Variants in DSTYK observed in about 807,000 individuals in gnomAD.
DSTYK encodes the protein dual serine/threonine and tyrosine protein kinase, also known as RIP-homologous kinase.
A neutral mutation model predicts 98.7 loss-of-function variants in DSTYK; 34 were observed. That is an observed-to-expected ratio of 0.34 (90% CI 0.26 to 0.46). DSTYK has a LOEUF of 0.46. DSTYK is among the 20% of genes least tolerant of loss of function. DSTYK has a pLI of 1.00. For synonymous variants in DSTYK, 462 were observed against 457.3 expected (o/e 1.01, Z -0.13); for missense variants, 962 against 1,181.7 (o/e 0.81, Z 2.73).
rs1344695030 is a variant in DSTYK at position 205,184,784 on chromosome 1, T to G, written c.654+2634A>C. On this transcript the variant is annotated intron_variant, in intron 2 of 12. Coordinates refer to ENST00000367162, the MANE Select transcript of DSTYK (RefSeq NM_015375.3). The stretch of plus-strand genomic sequence containing the variant: ...CACAGGTGTGTACACAGGATCTCAC[T>G]AGGTTGCCCAGGCTGGTGTTGAACA... 2.0e-5 allele frequency among the ~76,000 whole-genome samples: 3 copies of G among 152,272 alleles called. No individual in the cohort carries two copies. In the East Asian group the frequency reaches 5.8e-4, roughly 29 times the overall value.
chr1:205,181,174 T>C (rs1658385660), intron 2 of DSTYK, among the ~76,000 whole-genome samples: 1 of 152,206 alleles, frequency 6.6e-6, no homozygotes. Flanking sequence ...TCTTTTCCCT[T>C]GGAGTTGACC....
rs1173479045 is a variant in DSTYK at position 205,174,296 on chromosome 1, C to T, written c.655-4464G>A. On this transcript the variant is annotated intron_variant, in intron 2 of 12. Transcript: ENST00000367162. Reference sequence around the variant, plus strand: ...TTGGGAGGCCGAGGCAGGTGGATCACGAAGTCAGGAGTTCAAGATCAGCTT... The same window carrying T: ...TTGGGAGGCCGAGGCAGGTGGATCATGAAGTCAGGAGTTCAAGATCAGCTT... Among the ~76,000 whole-genome samples the T allele has an allele frequency of 2.6e-5, 4 of 151,764 alleles. No individual in the cohort carries two copies. In the East Asian group the frequency reaches 7.9e-4, roughly 30 times the overall value.
intron 1 of DSTYK, among the ~76,000 whole-genome samples, chr1:205,191,947 TCTGG>T (rs1658725383): frequency 6.6e-6 from 1 of 152,000 alleles, no homozygotes; most frequent in Non-Finnish European, 1.5e-5. Flanking sequence ...CCCTGCCAAC[TCTGG>T]CTGGAGGAAA....
At position 205,144,628 on chromosome 1, in the gene DSTYK, A is replaced by G. The variant is rs182532240; in HGVS notation, c.*2930T>C. On this transcript the variant is annotated 3_prime_UTR_variant, in exon 13 of 13. Coordinates refer to ENST00000367162, the MANE Select transcript of DSTYK (RefSeq NM_015375.3). The stretch of plus-strand genomic sequence containing the variant: ...TGCACTCAGCCTGCTGAGTATTTAA[A>G]TAACATCCCCAAATATCCATATGTG... 50 of 152,732 alleles carry G rather than the reference A, an allele frequency of 3.3e-4. No individual in the cohort carries two copies. Among genetic ancestry groups the G allele is most frequent in the Non-Finnish European group, 5.9e-5 (4 of 68,028 alleles). The allele number at this position is 152,732 out of a possible 1,614,324, so 9.5% of individuals were successfully genotyped here.
Position 205,169,790 on chromosome 1 carries a change from T to G in DSTYK, c.697A>C (p.Thr233Pro). ...ACCAAGTCACCCAGAACATCCACTGTGGGCCGGAGGCCTTGGCATGGTGCT... is the reference window on the plus strand; with the variant it reads ...ACCAAGTCACCCAGAACATCCACTGGGGGCCGGAGGCCTTGGCATGGTGCT... ...VVAPCQGLRPTVDVLGDLVND... is the reference protein window; with the variant it reads ...VVAPCQGLRPPVDVLGDLVND... The change falls in exon 3 of 13, where the codon ACA becomes CCA. Residue 233 changes from threonine to proline, a missense_variant. Coordinates refer to ENST00000367162, the MANE Select transcript of DSTYK (RefSeq NM_015375.3). This position sits in a 1 kb window ranked among gnomAD's most constrained non-coding sequence, Gnocchi z 4.0. 1 of 1,614,130 alleles carries G rather than the reference T, an allele frequency of 6.2e-7. No individual in the cohort carries two copies. Among genetic ancestry groups the G allele is most frequent in the Non-Finnish European group, 8.5e-7 (1 of 1,180,010 alleles).
chr1:205,163,430 GC>G (rs1558605380), intron 4 of DSTYK, among the ~76,000 whole-genome samples: 9 of 151,932 alleles, frequency 5.9e-5, no homozygotes, highest in Non-Finnish European at 1.3e-4. Flanking sequence ...TGTTGGTCAG[GC>G]TGGTCTCCAA....
Position 205,211,689 on chromosome 1 carries a change from A to C in DSTYK, c.-154T>G, listed in dbSNP as rs1659393021. On this transcript the variant is annotated 5_prime_UTR_variant, in exon 1 of 13. Transcript: ENST00000367162. ...TCCCAACCTCCGTCACTGCCGTTGC[A>C]AACAAACCAAACCGCAGTGCGCCGC... 9.8e-7 allele frequency: 1 copy of C among 1,018,850 alleles called. No individual in the cohort carries two copies. Among genetic ancestry groups the C allele is most frequent in the Non-Finnish European group, 1.4e-6 (1 of 739,926 alleles). The allele number at this position is 1,018,850 out of a possible 1,614,324, so 63.1% of individuals were successfully genotyped here.
chr1:205,148,454 C>T (rs1657309177), intron 11 of DSTYK, 115 bp from the exon 12 acceptor site: 2 of 1,285,424 alleles, frequency 1.6e-6, no homozygotes, highest in Admixed American at 4.5e-5. Context: ...CAACTATTAT[C>T]TCTCAATAAC....
intron 2 of DSTYK, among the ~76,000 whole-genome samples, chr1:205,179,904 A>T (rs1658346437): frequency 6.6e-6 from 1 of 152,192 alleles, no homozygotes; most frequent in Non-Finnish European, 1.5e-5. Flanking sequence ...AGAAGGAAAC[A>T]AACAAATATG....
intron 1 of DSTYK, among the ~76,000 whole-genome samples, chr1:205,209,504 CAGAAATGGTGATAAAAATAAGATA>C (rs1558631243): frequency 1.6e-4 from 24 of 151,384 alleles, no homozygotes; most frequent in East Asian, 5.9e-4. Flanking sequence ...TAGTCATCCC[CAGAAATGGTGATAAAAATAAGATA>C]CTAAGATCAT....
intron 2 of DSTYK, among the ~76,000 whole-genome samples, chr1:205,185,815 G>A (rs1003716279): frequency 6.6e-6 from 1 of 152,098 alleles, no homozygotes; most frequent in Admixed American, 6.6e-5. Flanking sequence ...CTGAGGTAAG[G>A]AGTTCTAGGC....
At chr1:205,177,474 G>T (rs1658265580) in intron 2 of DSTYK, among the ~76,000 whole-genome samples, 1 of 152,130 alleles carries the variant, frequency 6.6e-6, no homozygotes. Flanking sequence ...ACACAGGGCT[G>T]ATTCTTTTTC....
Position 205,160,215 on chromosome 1 carries a change from C to G in DSTYK, c.2004G>C (p.Leu668=). Residue 668 remains leucine (L), a synonymous_variant, in exon 8 of 13, where the codon CTG becomes CTC. Coordinates refer to ENST00000367162, the MANE Select transcript of DSTYK (RefSeq NM_015375.3). The part of the protein sequence containing the change: ...LGRGQYGVVY[L]CDNWGGHFPC... Reference sequence around the variant, plus strand: ...GGAAGTGTCCTCCCCAGTTGTCACACAGGTATACCACACCATACTGGCCCC... The same window carrying G: ...GGAAGTGTCCTCCCCAGTTGTCACAGAGGTATACCACACCATACTGGCCCC... 1 of 1,614,142 alleles carries G rather than the reference C, an allele frequency of 6.2e-7. No homozygotes were observed. Among genetic ancestry groups the G allele is most frequent in the Non-Finnish European group, 8.5e-7 (1 of 1,180,010 alleles).
In DSTYK at chr1:205,150,499, C is replaced by G. The variant is rs1657371027; in HGVS notation, c.2467+181G>C. On this transcript the variant is annotated intron_variant, in intron 11 of 12. Transcript: ENST00000367162. This position sits in a 1 kb window ranked among gnomAD's most constrained non-coding sequence, Gnocchi z 4.1. ...TGATTCCCATTTGTACTTTTTCTTTCTTACTCCTTTACCTCTTCACTTTCC... is the reference window on the plus strand; with the variant it reads ...TGATTCCCATTTGTACTTTTTCTTTGTTACTCCTTTACCTCTTCACTTTCC... Among the ~76,000 whole-genome samples, 1 of 152,152 alleles carries G rather than the reference C, an allele frequency of 6.6e-6. No homozygotes were observed. Among genetic ancestry groups the G allele is most frequent in the South Asian group, 2.1e-4 (1 of 4,828 alleles).
At position 205,142,783 on chromosome 1, in the gene DSTYK, T is replaced by G. The variant is rs1657111639; in HGVS notation, c.*4775A>C. On this transcript the variant is annotated 3_prime_UTR_variant, in exon 13 of 13. Transcript: ENST00000367162. The stretch of plus-strand genomic sequence containing the variant: ...TTGCACTTTTATTCTACACACTTAG[T>G]ATCTTACACTTTTATTTAACACTGT... 6.6e-6 allele frequency: 1 copy of G among 152,256 alleles called. No homozygotes were observed. Among genetic ancestry groups the G allele is most frequent in the Non-Finnish European group, 1.5e-5 (1 of 68,048 alleles). 9.4% of individuals were successfully genotyped at this position (152,256 alleles called of 1,614,324 possible).
chr1:205,210,085 A>G (rs1197310604), intron 1 of DSTYK, among the ~76,000 whole-genome samples: 1 of 152,010 alleles, frequency 6.6e-6, no homozygotes, highest in Non-Finnish European at 1.5e-5. Context: ...TATTTTTGGT[A>G]GAGACGGGGT....
At chr1:205,156,856 A>C (rs561066766) in intron 10 of DSTYK, among the ~76,000 whole-genome samples, 204 of 152,262 alleles carry the variant, frequency 1.3e-3, no homozygotes, top group Middle Eastern at 3.4e-3. Flanking sequence ...CATAATCTGC[A>C]TGTGTTGTGG....
chr1:205,148,449 A>C, intron 11 of DSTYK, 110 bp from the exon 12 acceptor site: 1 of 1,355,886 alleles, frequency 7.4e-7, no homozygotes, highest in Non-Finnish European at 1.0e-6. Context: ...TTTAACAACT[A>C]TTATCTCTCA....
chr1:205,161,979 T>C, intron 6 of DSTYK, 57 bp downstream of exon 6: 1 of 1,556,368 alleles, frequency 6.4e-7, no homozygotes, highest in East Asian at 2.3e-5. Context: ...AATATTCCCA[T>C]CTGGATGAGG....
Sources: gnomAD v4.1 joint callset for allele counts (sites outside exome capture counted in the v4.1 genomes callset) on GRCh38, gnomAD v4.1.1 for gene constraint, Gnocchi (gnomAD v3.1) non-coding constraint, MANE v1.5 for transcripts, NCBI Gene and HGNC (gene_info 2026-07-23, HGNC 2026-07-21) for gene names.